TACC2: variants seen among roughly 807,000 people sequenced by gnomAD.
The protein encoded by TACC2 is transforming acidic coiled-coil-containing protein 2.
TACC2 carries 137 observed loss-of-function variants against 227.3 expected under a neutral mutation model. That is an observed-to-expected ratio of 0.60 (90% CI 0.52 to 0.69). The LOEUF is 0.69. TACC2 is among the 30% of genes least tolerant of loss of function. TACC2 has a pLI of 0.00. For synonymous variants in TACC2, 1,523 were observed against 1,487.5 expected, an observed-to-expected ratio of 1.02 and a Z score of -0.55; for missense variants, 3,470 against 3,694.4, an observed-to-expected ratio of 0.94 and a Z score of 1.57.
chr10:122,082,829 C>T lies in TACC2; in HGVS notation c.329C>T (p.Ser110Phe), dbSNP rs1202231209. The part of the protein sequence containing the change: ...PSQEREHPSS[S>F]MPFAECPPEG... The stretch of plus-strand genomic sequence containing the variant: ...CAGGAGCGAGAGCACCCCTCGTCCT[C>T]CATGCCCTTTGCCGAGTGTCCCCCG... Residue 110 changes from serine to phenylalanine, a missense_variant, in exon 4 of 23, where the codon TCC (serine) becomes TTC (phenylalanine). Coordinates refer to ENST00000369005, the MANE Select transcript of TACC2 (RefSeq NM_206862.4). 1.2e-6 allele frequency: 2 copies of T among 1,613,608 alleles called. No homozygotes were observed. Among genetic ancestry groups the T allele is most frequent in the East Asian group, 4.5e-5 (2 of 44,860 alleles).
At chr10:122,113,660 T>G (rs1461288461) in intron 5 of TACC2, among the ~76,000 whole-genome samples, 1 of 152,224 alleles carries the variant, frequency 6.6e-6, no homozygotes, top group Non-Finnish European at 1.5e-5. Flanking sequence ...CGTGTGGTCC[T>G]ACTGGGTCGC....
chr10:122,246,676 A>G (rs1298882201), intron 19 of TACC2: 1 of 152,278 alleles, frequency 6.6e-6, no homozygotes, highest in Non-Finnish European at 1.5e-5. Context: ...CGTCGCATGG[A>G]CATGTATCAA....
At position 122,060,658 on chromosome 10, in the gene TACC2, A is replaced by T. The variant is rs117038430; in HGVS notation, c.146+10108A>T. Among the ~76,000 whole-genome samples the T allele has an allele frequency of 5.2e-3, 798 of 152,332 alleles. 7 individuals carry two copies. Among genetic ancestry groups the T allele is most frequent in the Non-Finnish European group, 8.6e-3 (582 of 68,032 alleles). On this transcript the variant is annotated intron_variant, in intron 3 of 22. Coordinates refer to ENST00000369005, the MANE Select transcript of TACC2 (RefSeq NM_206862.4). ...ATGTGAGCAGCTTTCCATATTTTGG[A>T]TATAGTGGAGCTAGAGATGCCAGGA...
intron 2 of TACC2, among the ~76,000 whole-genome samples, chr10:122,029,900 T>C (rs769565563): frequency 1.7e-4 from 19 of 113,994 alleles, no homozygotes; most frequent in Non-Finnish European, 2.8e-4. Flanking sequence ...GCAAACAAGA[T>C]AGAGCGGTGG....
At chr10:122,062,025 C>CTTTTTTTT (rs140523380) in intron 3 of TACC2, among the ~76,000 whole-genome samples, 1 of 63,968 alleles carries the variant, frequency 1.6e-5, no homozygotes, top group Non-Finnish European at 2.7e-5. Flanking sequence ...GTCAGAGCGG[C>CTTTTTTTT]TTTTTTTTTT....
Position 122,229,459 on chromosome 10 carries a change from C to A in TACC2, c.8010C>A (p.Asn2670Lys), listed in dbSNP as rs147846497. ...DYLEPDLAEK[N>K]PPLFAQKLQE... ...TGGAGCCCGACTTAGCAGAAAAGAA[C>A]CCCCCACTATTCGCTCAGAAACTCC... Residue 2670 changes from asparagine to lysine, a missense_variant, in exon 15 of 23, where the codon AAC becomes AAA. Coordinates refer to ENST00000369005, the MANE Select transcript of TACC2 (RefSeq NM_206862.4). 3.7e-6 allele frequency: 6 copies of A among 1,613,992 alleles called. No homozygotes were observed. Among genetic ancestry groups the A allele is most frequent in the Non-Finnish European group, 4.2e-6 (5 of 1,180,018 alleles).
At position 122,027,114 on chromosome 10, in the gene TACC2, G is replaced by A. The variant is rs937140759; in HGVS notation, c.33+5100G>A. 1.4e-4 allele frequency among the ~76,000 whole-genome samples: 21 copies of A among 152,296 alleles called. 1 individual carries two copies. Among genetic ancestry groups the A allele is most frequent in the Middle Eastern group, 3.4e-3 (1 of 294 alleles). ...GAGTTCCTGTTCCATATCCTCCCCA[G>A]CATTTGGTGGTGTCAGTATTCTGGA... is the stretch of plus-strand genomic sequence containing the variant. On this transcript the variant is annotated intron_variant, in intron 2 of 22. Coordinates refer to ENST00000369005, the MANE Select transcript of TACC2 (RefSeq NM_206862.4).
chr10:122,034,120 C>G (rs1331426366), intron 2 of TACC2, among the ~76,000 whole-genome samples: 1 of 145,112 alleles, frequency 6.9e-6, no homozygotes, highest in East Asian at 2.0e-4. Context: ...CCACTGCACT[C>G]CAGCCTGGGT....
chr10:122,211,868 G>A (rs1363242984), intron 9 of TACC2, among the ~76,000 whole-genome samples, 160 bp downstream of exon 9: 1 of 152,196 alleles, frequency 6.6e-6, no homozygotes, highest in Non-Finnish European at 1.5e-5. Context: ...GACAATGTAC[G>A]TGTTTTCCTT....
chr10:122,132,580 T>A, intron 5 of TACC2, 29 bp from the exon 6 acceptor site: 1 of 1,613,464 alleles, frequency 6.2e-7, no homozygotes, highest in Non-Finnish European at 8.5e-7. Context: ...TGTTTCTGAG[T>A]TTAGGTTCTT....
At chr10:122,167,565 G>A (rs1182434258) in intron 7 of TACC2, among the ~76,000 whole-genome samples, 1 of 152,170 alleles carries the variant, frequency 6.6e-6, no homozygotes, top group Non-Finnish European at 1.5e-5. Context: ...ACCGCAGTAG[G>A]TAGAGAGATT....
chr10:122,219,013 C>T (rs1589668620), intron 11 of TACC2, among the ~76,000 whole-genome samples: 1 of 51,676 alleles, frequency 1.9e-5, no homozygotes, highest in East Asian at 1.2e-3. Flanking sequence ...CAGTGAGACT[C>T]GTCTCAAAAA....
intron 1 of TACC2, among the ~76,000 whole-genome samples, chr10:122,014,498 A>C (rs991825712): frequency 1.1e-4 from 16 of 152,158 alleles, no homozygotes; most frequent in African/African-American, 3.9e-4. Context: ...GGCATGAGCC[A>C]CCATACCCGG....
chr10:122,014,631 C>T (rs1278164351), intron 1 of TACC2, among the ~76,000 whole-genome samples: 1 of 152,208 alleles, frequency 6.6e-6, no homozygotes, highest in Non-Finnish European at 1.5e-5. Flanking sequence ...TGTCTTCCAC[C>T]TGCTCTGCCC....
chr10:122,057,123 C>G (rs2076284347), intron 3 of TACC2, among the ~76,000 whole-genome samples: 1 of 152,096 alleles, frequency 6.6e-6, no homozygotes, highest in African/African-American at 2.4e-5. Flanking sequence ...ACCCAGGAGG[C>G]AGATGTTGCA....
chr10:122,183,693 C>A (rs2094060421), intron 7 of TACC2, among the ~76,000 whole-genome samples: 1 of 152,120 alleles, frequency 6.6e-6, no homozygotes. Context: ...ACTGCAGCTG[C>A]CAAACCTACT....
intron 5 of TACC2, among the ~76,000 whole-genome samples, chr10:122,091,145 C>A (rs1270644233): frequency 6.6e-6 from 1 of 152,090 alleles, no homozygotes; most frequent in East Asian, 1.9e-4. Context: ...CCTGCTGAGA[C>A]TTTTGTACTC....
intron 5 of TACC2, among the ~76,000 whole-genome samples, chr10:122,105,629 T>C (rs1182199761): frequency 3.3e-5 from 5 of 151,716 alleles, no homozygotes; most frequent in African/African-American, 1.2e-4. Context: ...AAACACTTTT[T>C]TTTTTTTTGA....
At chr10:122,230,974 G>A (rs2095732219) in intron 16 of TACC2, among the ~76,000 whole-genome samples, 1 of 152,230 alleles carries the variant, frequency 6.6e-6, no homozygotes, top group Non-Finnish European at 1.5e-5. Flanking sequence ...AATTCTTTCT[G>A]TAAAGTGCAA....
Sources: allele counts gnomAD v4.1 joint callset (sites outside exome capture counted in the v4.1 genomes callset), GRCh38; gene constraint gnomAD v4.1.1; transcripts MANE v1.5; gene names NCBI Gene and HGNC (gene_info 2026-07-23, HGNC 2026-07-21).